Variants in B3GALT2 observed in about 807,000 individuals in gnomAD.
The protein encoded by B3GALT2 is beta-1,3-galactosyltransferase 2.
A neutral mutation model predicts 33.5 loss-of-function variants in B3GALT2; 13 were observed. The observed-to-expected ratio is 0.39, with a 90% CI of 0.25 to 0.62. The LOEUF (loss-of-function observed/expected upper bound fraction) is 0.62, where lower values mean the gene tolerates loss of function less well. Ranked by LOEUF, B3GALT2 falls within the 20% of genes least tolerant of loss-of-function variation. The pLI, the probability that B3GALT2 is intolerant of heterozygous loss-of-function variation, is 0.53. For missense variants in B3GALT2, 418 were observed against 509.1 expected, an observed-to-expected ratio of 0.82 and a Z score of 1.72; for synonymous variants, 195 against 172.7, an observed-to-expected ratio of 1.13 and a Z score of -1.01.
At chr1:193,184,642 C>T (rs1676774855) in intron 1 of B3GALT2, among the ~76,000 whole-genome samples, 1 of 151,854 alleles carries the variant, frequency 6.6e-6, no homozygotes, top group South Asian at 2.1e-4. Flanking sequence ...AAAACTTACA[C>T]TTTTGTTTTG....
rs1233682927 is a variant in B3GALT2, at chr1:193,186,048, G to C, written c.-150C>G. ...CTTGGTCAGGCCATTTATGTGAAGA[G>C]GATTATGCCCACTGAAAATACTTTT... On this transcript the variant is annotated 5_prime_UTR_variant, in exon 1 of 2. Coordinates refer to ENST00000367434, the MANE Select transcript of B3GALT2 (RefSeq NM_003783.3). 2 of 152,462 alleles carry C rather than the reference G, an allele frequency of 1.3e-5. No homozygotes were observed. Among genetic ancestry groups the C allele is most frequent in the Non-Finnish European group, 2.9e-5 (2 of 68,012 alleles). The allele number at this position is 152,462 out of a possible 1,614,324, so 9.4% of individuals were successfully genotyped here.
chr1:193,185,736 A>G (rs1275793452), intron 1 of B3GALT2, among the ~76,000 whole-genome samples: 2 of 151,952 alleles, frequency 1.3e-5, no homozygotes, highest in African/African-American at 4.8e-5. Context: ...TTTTTTTTTA[A>G]GTTTAATTTC....
chr1:193,180,740 G>A lies in B3GALT2; in HGVS notation c.823C>T (p.His275Tyr), dbSNP rs1676700450. 1 of 1,614,030 alleles carries A rather than the reference G, an allele frequency of 6.2e-7. No homozygotes were observed. Among genetic ancestry groups the A allele is most frequent in the Non-Finnish European group, 8.5e-7 (1 of 1,179,926 alleles). ...KLLKPDLPPR[H>Y]NYFTGYLMRG... is the part of the protein sequence containing the mutation. The stretch of plus-strand genomic sequence containing the variant: ...ATTAGGTAACCAGTGAAATAGTTAT[G>A]TCTGGGAGGCAGATCTGGCTTCAGT... Residue 275 changes from histidine (H) to tyrosine (Y), a missense_variant, in exon 2 of 2, where the codon CAT becomes TAT. Transcript: ENST00000367434.
intron 1 of B3GALT2, among the ~76,000 whole-genome samples, chr1:193,184,929 G>A (rs866527651): frequency 2.0e-5 from 3 of 151,912 alleles, no homozygotes; most frequent in Non-Finnish European, 3.0e-5. Flanking sequence ...GTGAAATTGA[G>A]GAAAAATCAG....
chr1:193,180,998 ATATTCT>A lies in B3GALT2; in HGVS notation c.559_564del (p.Arg187_Ile188del). The A allele has an allele frequency of 6.2e-7, 1 of 1,613,524 alleles. No homozygotes were observed. Reference sequence around the variant, plus strand: ...AGCTTAATACTTAAGCCCAACAAAAATATTCTTGTGATTTGAATACCAGGTGCTAGA... The same window carrying A: ...AGCTTAATACTTAAGCCCAACAAAAATGTGATTTGAATACCAGGTGCTAGA... On this transcript the variant is annotated inframe_deletion, in exon 2 of 2. Coordinates refer to ENST00000367434, the MANE Select transcript of B3GALT2 (RefSeq NM_003783.3).
Position 193,181,266 on chromosome 1 carries a change from A to T in B3GALT2, c.297T>A (p.Ser99=), listed in dbSNP as rs1219927634. 2.5e-6 allele frequency: 4 copies of T among 1,613,860 alleles called. No individual in the cohort carries two copies. Among genetic ancestry groups the T allele is most frequent in the Non-Finnish European group, 3.4e-6 (4 of 1,179,958 alleles). The change falls in exon 2 of 2, where the codon TCT becomes TCA. Residue 99 remains serine (S), a synonymous_variant. Coordinates refer to ENST00000367434, the MANE Select transcript of B3GALT2 (RefSeq NM_003783.3). ...CTTGTGGTGACAGGTCTGTGTTATT[A>T]GAGTTAGTTGCTGTTTGAGGCCTCA... The part of the protein sequence containing the change: ...QTLRPQTATN[S]NNTDLSPQGV...
In B3GALT2 at chr1:193,179,640, T is replaced by G. The variant is rs1352274574; in HGVS notation, c.*654A>C. On this transcript the variant is annotated 3_prime_UTR_variant, in exon 2 of 2. Coordinates refer to ENST00000367434, the MANE Select transcript of B3GALT2 (RefSeq NM_003783.3). ...CATTAGTTTTTCACATTTTACCACG[T>G]CATGTCAAAATAATTTTCCCCCATA... The G allele has an allele frequency of 6.6e-6, 1 of 152,524 alleles. No individual in the cohort carries two copies. Among genetic ancestry groups the G allele is most frequent in the Non-Finnish European group, 1.5e-5 (1 of 67,998 alleles). The allele number at this position is 152,524 out of a possible 1,614,324, so 9.4% of individuals were successfully genotyped here. A position where few individuals can be genotyped will look rare whatever the true frequency, so the allele number is the denominator to read the frequency against.
chr1:193,185,891 A>C (rs1296222774), intron 1 of B3GALT2, 128 bp downstream of exon 1: 1 of 152,190 alleles, frequency 6.6e-6, no homozygotes, highest in South Asian at 2.1e-4. Flanking sequence ...AAAATCAGAT[A>C]TTAAGAAACC....
At position 193,181,927 on chromosome 1, in the gene B3GALT2, A is replaced by T. The variant is rs551683166; in HGVS notation, c.-120-245T>A. On this transcript the variant is annotated intron_variant, in intron 1 of 1. Transcript: ENST00000367434. ...GATGGATTCATTTCATTGTCTTGTT[A>T]CACTGGTCATTTGTACTTTTGACCC... is the stretch of plus-strand genomic sequence containing the variant. 5.9e-5 allele frequency among the ~76,000 whole-genome samples: 9 copies of T among 152,290 alleles called. No homozygotes were observed. The East Asian group carries it at 1.7e-3, about 29-fold the overall frequency.
In B3GALT2 at chr1:193,180,745, G is replaced by A; in HGVS notation, c.818C>T (p.Pro273Leu). The change falls in exon 2 of 2, where the codon CCC (proline) becomes CTC (leucine). Residue 273 changes from proline (P) to leucine (L), a missense_variant. Around this residue, in one of 3 missense-constraint regions of B3GALT2, gnomAD observed 226 missense variants for 293.9 expected, o/e 0.77. Transcript: ENST00000367434. ...INKLLKPDLP[P>L]RHNYFTGYLM... ...GTAACCAGTGAAATAGTTATGTCTG[G>A]GAGGCAGATCTGGCTTCAGTAACTT... is the stretch of plus-strand genomic sequence containing the variant. 1 of 1,613,988 alleles carries A rather than the reference G, an allele frequency of 6.2e-7. No individual in the cohort carries two copies. The highest frequency in any genetic ancestry group is 8.5e-7 in the Non-Finnish European group (1 of 1,179,920).
chr1:193,182,103 CAG>C (rs1676726963), intron 1 of B3GALT2, among the ~76,000 whole-genome samples: 2 of 152,104 alleles, frequency 1.3e-5, no homozygotes, highest in African/African-American at 4.8e-5. Context: ...GGTGCACAGT[CAG>C]AGGCCTTTTT....
At chr1:193,182,535 A>G (rs749488878) in intron 1 of B3GALT2, among the ~76,000 whole-genome samples, 3 of 152,158 alleles carry the variant, frequency 2.0e-5, no homozygotes, top group Admixed American at 6.6e-5. Flanking sequence ...TTCACACAAT[A>G]TATTTTTAAA....
At position 193,181,466 on chromosome 1, in the gene B3GALT2, G is replaced by A. The variant is rs1295386976; in HGVS notation, c.97C>T (p.Leu33=). The A allele has an allele frequency of 6.2e-7, 1 of 1,614,056 alleles. No homozygotes were observed. The highest frequency in any genetic ancestry group is 8.5e-7 in the Non-Finnish European group (1 of 1,179,926). Residue 33 remains leucine (L), a synonymous_variant, in exon 2 of 2, where the codon CTA becomes TTA. Coordinates refer to ENST00000367434, the MANE Select transcript of B3GALT2 (RefSeq NM_003783.3). Reference sequence around the variant, plus strand: ...AAAAACATAGCAAAAAGAAACACTAGAGAAAGTACTCCAATAAGATGAGTG... The same window carrying A: ...AAAAACATAGCAAAAAGAAACACTAAAGAAAGTACTCCAATAAGATGAGTG... ...FRTHLIGVLS[L]VFLFAMFLFF... is the part of the protein sequence containing the mutation.
intron 1 of B3GALT2, 41 bp from the exon 2 acceptor site, chr1:193,181,723 A>G: frequency 1.5e-6 from 1 of 657,942 alleles, no homozygotes; most frequent in East Asian, 2.9e-5. Context: ...ACTGCCTGAA[A>G]GGGACTTTGG....
Position 193,186,256 on chromosome 1 carries a change from CTT to C in B3GALT2, c.-360_-359del, listed in dbSNP as rs1558303445. On this transcript the variant is annotated 5_prime_UTR_variant, in exon 1 of 2. Transcript: ENST00000367434. ...ATTTTCCCTTTCTTTCATTTTCTCT[CTT>C]TCGTTAAACAAAAGAGCTGTAGTTG... The C allele has an allele frequency of 6.6e-6, 1 of 152,466 alleles. No homozygotes were observed. The highest frequency in any genetic ancestry group is 1.5e-5 in the Non-Finnish European group (1 of 68,028). 9.4% of individuals were successfully genotyped at this position (152,466 alleles called of 1,614,324 possible).
chr1:193,181,775 G>A, intron 1 of B3GALT2, 93 bp from the exon 2 acceptor site: 1 of 436,122 alleles, frequency 2.3e-6, no homozygotes, highest in Non-Finnish European at 4.0e-6. Flanking sequence ...CTTAAGCTGT[G>A]AAAATATAAC....
rs775932344 is a variant in B3GALT2 at position 193,181,287 on chromosome 1, C to A, written c.276G>T (p.Arg92Ser). ...IWKETVPQTL[R>S]PQTATNSNNT... Reference sequence around the variant, plus strand: ...TATTAGAGTTAGTTGCTGTTTGAGGCCTCAGGGTTTGAGGGACTGTTTCTT... The same window carrying A: ...TATTAGAGTTAGTTGCTGTTTGAGGACTCAGGGTTTGAGGGACTGTTTCTT... The change falls in exon 2 of 2, where the codon AGG becomes AGT. Residue 92 changes from arginine to serine, a missense_variant. Around this residue, in one of 3 missense-constraint regions of B3GALT2, gnomAD observed 188 missense variants for 197.5 expected, o/e 0.95. Transcript: ENST00000367434. The A allele has an allele frequency of 6.2e-6, 10 of 1,614,070 alleles. No homozygotes were observed. The highest frequency in any genetic ancestry group is 8.5e-6 in the Non-Finnish European group (10 of 1,179,952).
rs1676711818 is a variant in B3GALT2, at chr1:193,181,320, G to A, written c.243C>T (p.Asn81=). The A allele has an allele frequency of 6.2e-7, 1 of 1,613,936 alleles. No individual in the cohort carries two copies. Among genetic ancestry groups the A allele is most frequent in the African/African-American group, 1.3e-5 (1 of 74,920 alleles). ...KSETNHSSLR[N]IWKETVPQTL... is the part of the protein sequence containing the mutation. ...TTTGAGGGACTGTTTCTTTCCAAAT[G>A]TTCCGAAGGGAGCTGTGGTTTGTCT... Residue 81 remains asparagine (N), a synonymous_variant, in exon 2 of 2, where the codon AAC becomes AAT. Transcript: ENST00000367434.
At position 193,180,219 on chromosome 1, in the gene B3GALT2, G is replaced by T; in HGVS notation, c.*75C>A. 5.5e-6 allele frequency: 7 copies of T among 1,269,410 alleles called. No homozygotes were observed. The highest frequency in any genetic ancestry group is 2.7e-5 in the Admixed American group (1 of 36,610). 78.6% of individuals were successfully genotyped at this position (1,269,410 alleles called of 1,614,324 possible). ...GAGTTTTAACTAAAACTTGTCCTAC[G>T]GATGTAATCAGTTCTAACTATACAT... On this transcript the variant is annotated 3_prime_UTR_variant, in exon 2 of 2. Coordinates refer to ENST00000367434, the MANE Select transcript of B3GALT2 (RefSeq NM_003783.3).
Sources: gnomAD v4.1 joint callset for allele counts (sites outside exome capture counted in the v4.1 genomes callset) on GRCh38, gnomAD v4.1.1 for gene constraint, gnomAD v4.1.1 regional missense constraint, MANE v1.5 for transcripts, NCBI Gene and HGNC (gene_info 2026-07-23, HGNC 2026-07-21) for gene names.